Variants in CDH13 observed in about 807,000 individuals in gnomAD.
The protein encoded by CDH13 is cadherin-13.
Under a neutral mutation model 63.8 loss-of-function variants are expected in CDH13, and 24 were observed. The ratio of observed to expected loss-of-function variants is 0.38; its 90% CI spans 0.27 to 0.53. CDH13 has a LOEUF of 0.53. CDH13 is among the 20% of genes least tolerant of loss of function. The pLI is 0.85. For synonymous variants in CDH13, 503 were observed against 355.3 expected (o/e 1.42, Z -4.67); for missense variants, 1,049 against 903.1 (o/e 1.16, Z -2.07).
intron 1 of CDH13, among the ~76,000 whole-genome samples, chr16:82,699,016 C>T (rs764884860): frequency 4.6e-5 from 7 of 152,030 alleles, no homozygotes; most frequent in Admixed American, 6.6e-5. Context: ...ACATTTGGCC[C>T]GTGAGCCGTA....
At chr16:83,307,968 G>A (rs2151882756) in intron 5 of CDH13, among the ~76,000 whole-genome samples, 1 of 152,260 alleles carries the variant, frequency 6.6e-6, no homozygotes, top group Admixed American at 6.5e-5. Context: ...TGAGGACATT[G>A]CAGCATGCCA....
chr16:83,515,117 A>G (rs150077363), intron 7 of CDH13, among the ~76,000 whole-genome samples: 3 of 152,208 alleles, frequency 2.0e-5, no homozygotes, highest in East Asian at 3.9e-4. Flanking sequence ...TGCTGGGTTC[A>G]GGTTCTGGAG....
chr16:83,041,027 T>A (rs1034267465), intron 3 of CDH13, among the ~76,000 whole-genome samples: 1 of 152,180 alleles, frequency 6.6e-6, no homozygotes, highest in Non-Finnish European at 1.5e-5. Flanking sequence ...AAGCACTGAC[T>A]AAACTTCCTA....
chr16:82,815,166 T>TTA (rs1479240081), intron 1 of CDH13, among the ~76,000 whole-genome samples: 6 of 152,116 alleles, frequency 3.9e-5, no homozygotes, highest in Non-Finnish European at 7.4e-5. Context: ...TACTGCATGG[T>TTA]TAGCAGACAG....
intron 1 of CDH13, among the ~76,000 whole-genome samples, chr16:82,745,448 C>CA (rs1307674217): frequency 2.0e-5 from 3 of 151,988 alleles, no homozygotes; most frequent in Non-Finnish European, 4.4e-5. Flanking sequence ...ACTAAAAATA[C>CA]AAAAAATTAG....
At chr16:82,683,564 G>T (rs1023185061) in intron 1 of CDH13, among the ~76,000 whole-genome samples, 19 of 152,202 alleles carry the variant, frequency 1.2e-4, no homozygotes, top group African/African-American at 4.1e-4. Context: ...CACAAATATA[G>T]TTGGACCAGA....
intron 4 of CDH13, among the ~76,000 whole-genome samples, chr16:83,149,709 A>C (rs1337853668): frequency 6.6e-6 from 1 of 152,194 alleles, no homozygotes; most frequent in East Asian, 1.9e-4. Flanking sequence ...GCTCTTCATG[A>C]CATCCTAGAG....
rs897136022 is a variant in CDH13 at position 82,870,420 on chromosome 16, A to T, written c.157+11947A>T. 3.0e-4 allele frequency among the ~76,000 whole-genome samples: 46 copies of T among 152,120 alleles called. 1 individual carries two copies. The highest frequency in any genetic ancestry group is 5.2e-4 in the Admixed American group (8 of 15,264). On this transcript the variant is annotated intron_variant, in intron 2 of 13. Transcript: ENST00000567109. ...AGAACACTATGGATGGTCCCCAAAA[A>T]ACTAAAAATAGAACTACTATATGGC...
chr16:82,692,126 A>G (rs897595813), intron 1 of CDH13, among the ~76,000 whole-genome samples: 11 of 152,236 alleles, frequency 7.2e-5, no homozygotes, highest in Non-Finnish European at 7.3e-5. Flanking sequence ...CAGCAAAGTT[A>G]TACTGAAGTG....
intron 5 of CDH13, among the ~76,000 whole-genome samples, chr16:83,314,340 G>A (rs772501048): frequency 6.6e-6 from 1 of 151,880 alleles, no homozygotes; most frequent in Non-Finnish European, 1.5e-5. Context: ...TTAGATAAAT[G>A]TACAGGAGAA....
At chr16:82,924,581 C>G (rs2042248925) in intron 2 of CDH13, among the ~76,000 whole-genome samples, 1 of 152,060 alleles carries the variant, frequency 6.6e-6, no homozygotes, top group African/African-American at 2.4e-5. Flanking sequence ...TGAGGTTATT[C>G]TAGCACCTTA....
chr16:83,162,364 A>T (rs1047913580), intron 4 of CDH13, among the ~76,000 whole-genome samples: 3 of 152,162 alleles, frequency 2.0e-5, no homozygotes, highest in African/African-American at 7.2e-5. Flanking sequence ...ATATCATTGA[A>T]TCCTTCCAAC....
rs117031642 is a variant in CDH13 at position 83,309,878 on chromosome 16, G to T, written c.637-34984G>T. ...TTCCAGACAAATGGCTGCTTTATTTGTGAGGTAGTGATTTATATCCCTGGC... is the reference window on the plus strand; with the variant it reads ...TTCCAGACAAATGGCTGCTTTATTTTTGAGGTAGTGATTTATATCCCTGGC... On this transcript the variant is annotated intron_variant, in intron 5 of 13. Transcript: ENST00000567109. Among the ~76,000 whole-genome samples, 998 of 151,698 alleles carry T rather than the reference G, an allele frequency of 6.6e-3. 4 individuals carry two copies. Among genetic ancestry groups the T allele is most frequent in the Non-Finnish European group, 0.011 (737 of 67,968 alleles).
chr16:83,280,220 G>T (rs1185746480), intron 5 of CDH13, among the ~76,000 whole-genome samples: 1 of 152,216 alleles, frequency 6.6e-6, no homozygotes, highest in African/African-American at 2.4e-5. Flanking sequence ...ATTGGAGTCA[G>T]TCTTCTCAAA....
At chr16:82,797,249 T>A (rs550154003) in intron 1 of CDH13, among the ~76,000 whole-genome samples, 1 of 152,356 alleles carries the variant, frequency 6.6e-6, no homozygotes, top group African/African-American at 2.4e-5. Context: ...ACCAGTGTGA[T>A]TTGCTATAAC....
intron 1 of CDH13, among the ~76,000 whole-genome samples, chr16:82,785,729 T>C (rs1024876333): frequency 6.6e-6 from 1 of 152,240 alleles, no homozygotes; most frequent in African/African-American, 2.4e-5. Flanking sequence ...TGTATTCCAG[T>C]AACTGCATGG....
At chr16:82,643,400 C>T (rs1353914790) in intron 1 of CDH13, among the ~76,000 whole-genome samples, 1 of 152,154 alleles carries the variant, frequency 6.6e-6, no homozygotes, top group Non-Finnish European at 1.5e-5. Flanking sequence ...CATTGTCCAC[C>T]CTACTGAGAT....
chr16:82,911,787 G>A (rs1404045260), intron 2 of CDH13, among the ~76,000 whole-genome samples: 2 of 152,022 alleles, frequency 1.3e-5, no homozygotes, highest in Non-Finnish European at 2.9e-5. Context: ...CTATGCCCCA[G>A]GCTCCTGTCC....
At chr16:82,696,258 A>G (rs1169273866) in intron 1 of CDH13, among the ~76,000 whole-genome samples, 2 of 152,202 alleles carry the variant, frequency 1.3e-5, no homozygotes, top group Non-Finnish European at 2.9e-5. Flanking sequence ...CACGTTATAT[A>G]TTATTCAAAT....
Sources: allele counts gnomAD v4.1 joint callset (sites outside exome capture counted in the v4.1 genomes callset), GRCh38; gene constraint gnomAD v4.1.1; transcripts MANE v1.5; gene names NCBI Gene and HGNC (gene_info 2026-07-23, HGNC 2026-07-21).